Variants in ABLIM1 observed in about 807,000 individuals in gnomAD.
The protein encoded by ABLIM1 is actin binding LIM protein 1.
In ABLIM1, 40 loss-of-function variants were observed where a neutral mutation model predicts 107.0. That is an observed-to-expected ratio of 0.37 (90% CI 0.29 to 0.49). The LOEUF (loss-of-function observed/expected upper bound fraction) is 0.49, where lower values mean the gene tolerates loss of function less well. Ranked by LOEUF, ABLIM1 falls within the 20% of genes least tolerant of loss-of-function variation. The pLI, the probability that ABLIM1 is intolerant of heterozygous loss-of-function variation, is 0.97. For missense variants in ABLIM1, 857 were observed against 1,008.5 expected (o/e 0.85, Z 2.04); for synonymous variants, 357 against 357.3 (o/e 1.00, Z 0.01).
rs145116021 is a variant in ABLIM1 at position 114,445,441 on chromosome 10, C to A, written c.1736-38G>T. 4 of 1,556,954 alleles carry A rather than the reference C, an allele frequency of 2.6e-6. No homozygotes were observed. The South Asian group carries it at 4.5e-5, about 17-fold the overall frequency. On this transcript the variant is annotated intron_variant, in intron 15 of 22. Coordinates refer to ENST00000533213, the MANE Select transcript of ABLIM1 (RefSeq NM_002313.7). ...CAAAGACAACTTCTCACATCAGCCC[C>A]AAGACAAGGGAATCTTAACGGGCTA... is the stretch of plus-strand genomic sequence containing the variant.
intron 4 of ABLIM1, among the ~76,000 whole-genome samples, chr10:114,559,257 T>C (rs2483548): frequency 0.37 from 56,448 of 151,240 alleles, 13,832 homozygotes; most frequent in African/African-American, 0.7. Context: ...CAAGCACCAC[T>C]CAATCATGGT....
At chr10:114,700,561 G>A (rs1176073659) in intron 1 of ABLIM1, among the ~76,000 whole-genome samples, 1 of 151,552 alleles carries the variant, frequency 6.6e-6, no homozygotes, top group Admixed American at 6.6e-5. Context: ...GCATAATTAA[G>A]ATGATGTAGT....
At chr10:114,468,817 T>C (rs1305015120) in intron 10 of ABLIM1, among the ~76,000 whole-genome samples, 4 of 151,558 alleles carry the variant, frequency 2.6e-5, no homozygotes, top group African/African-American at 7.3e-5. Context: ...TTTGGGAGGC[T>C]GAGGCTGGCG....
intron 1 of ABLIM1, among the ~76,000 whole-genome samples, chr10:114,637,270 C>T (rs1012004564): frequency 6.6e-6 from 1 of 152,114 alleles, no homozygotes; most frequent in Non-Finnish European, 1.5e-5. Context: ...CAGCTATATA[C>T]CATGCCATCA....
At chr10:114,750,110 T>C (rs911835198) in intron 1 of ABLIM1, among the ~76,000 whole-genome samples, 7 of 152,228 alleles carry the variant, frequency 4.6e-5, no homozygotes, top group African/African-American at 1.7e-4. Context: ...CTGCTACAGC[T>C]ACTGCTCCTA....
chr10:114,589,555 A>G (rs11196794), intron 2 of ABLIM1, among the ~76,000 whole-genome samples: 63,847 of 149,342 alleles, frequency 0.43, 14,765 homozygotes, highest in Non-Finnish European at 0.52. Flanking sequence ...AGAGAGAGAG[A>G]GGGGCTTGGT....
chr10:114,539,358 A>AAACAAC (rs56218475), intron 6 of ABLIM1, among the ~76,000 whole-genome samples: 14 of 151,976 alleles, frequency 9.2e-5, no homozygotes, highest in Non-Finnish European at 1.8e-4. Context: ...ACTCTGTCTC[A>AAACAAC]AACAACAACA....
At chr10:114,679,042 A>T (rs183337187) in intron 1 of ABLIM1, among the ~76,000 whole-genome samples, 9 of 152,212 alleles carry the variant, frequency 5.9e-5, no homozygotes, top group Non-Finnish European at 1.2e-4. Context: ...GATGTGACTC[A>T]TCTGGCTTAT....
At position 114,700,114 on chromosome 10, in the gene ABLIM1, G is replaced by T. The variant is rs76231429; in HGVS notation, c.-213+67947C>A. Among the ~76,000 whole-genome samples the T allele has an allele frequency of 3.3e-5, 5 of 152,118 alleles. No homozygotes were observed. The East Asian group carries it at 9.7e-4, about 29-fold the overall frequency. On this transcript the variant is annotated intron_variant, in intron 1 of 15. Transcript: ENST00000651092. ...ACATCCAACCTGTGACTCTACTCTTGATTCTACCAAAGAAGTCTAACAAGC... is the reference window on the plus strand; with the variant it reads ...ACATCCAACCTGTGACTCTACTCTTTATTCTACCAAAGAAGTCTAACAAGC...
intron 8 of ABLIM1, among the ~76,000 whole-genome samples, chr10:114,476,716 A>G (rs1285724760): frequency 6.6e-6 from 1 of 151,356 alleles, no homozygotes; most frequent in African/African-American, 2.4e-5. Flanking sequence ...TAATCAAAAT[A>G]TAGAAGTGGC....
chr10:114,740,672 G>GTA (rs556060797), intron 1 of ABLIM1, among the ~76,000 whole-genome samples: 3 of 152,146 alleles, frequency 2.0e-5, no homozygotes, highest in South Asian at 2.1e-4. Flanking sequence ...AATTTCAATA[G>GTA]TATATATATA....
chr10:114,717,844 T>C (rs1373481354), intron 1 of ABLIM1, among the ~76,000 whole-genome samples: 5 of 148,862 alleles, frequency 3.4e-5, no homozygotes, highest in Non-Finnish European at 7.4e-5. Flanking sequence ...GCCTGGGAGG[T>C]TGAGGCTGCC....
At position 114,629,976 on chromosome 10, in the gene ABLIM1, A is replaced by T. The variant is rs1050777711; in HGVS notation, c.244+27981T>A. 6.6e-6 allele frequency among the ~76,000 whole-genome samples: 1 copy of T among 152,082 alleles called. No homozygotes were observed. Among genetic ancestry groups the T allele is most frequent in the African/African-American group, 2.4e-5 (1 of 41,406 alleles). On this transcript the variant is annotated intron_variant, in intron 1 of 22. Transcript: ENST00000533213. The surrounding 1 kb of genome is among the most constrained non-coding windows in gnomAD (Gnocchi z 4.0). ...AAATAAAACAGAACAGCCTTTAATC[A>T]GTGTCTAAGGGTTAAGATAATACTA...
chr10:114,555,450 C>T (rs1330773289), intron 4 of ABLIM1, among the ~76,000 whole-genome samples: 1 of 152,164 alleles, frequency 6.6e-6, no homozygotes, highest in Non-Finnish European at 1.5e-5. Context: ...GGCTTTGATG[C>T]TTACAGGACT....
the ABLIM1 span, among the ~76,000 whole-genome samples, chr10:114,777,715 C>T: frequency 6.6e-6 from 1 of 152,128 alleles, no homozygotes; most frequent in Admixed American, 6.6e-5. Context: ...TCAAGCCAGC[C>T]CCACGCAAGC....
intron 1 of ABLIM1, among the ~76,000 whole-genome samples, chr10:114,716,441 A>ACC (rs1249789997): frequency 1.3e-5 from 2 of 151,018 alleles, no homozygotes; most frequent in Non-Finnish European, 3.0e-5. Context: ...ACACACACAC[A>ACC]CACCCCTCCC....
At chr10:114,578,578 G>C (rs1185971291) in intron 2 of ABLIM1, among the ~76,000 whole-genome samples, 1 of 150,968 alleles carries the variant, frequency 6.6e-6, no homozygotes, top group Non-Finnish European at 1.5e-5. Context: ...GGCTAATTTT[G>C]TATTTTTAGT....
At position 114,519,765 on chromosome 10, in the gene ABLIM1, A is replaced by G. The variant is rs75400923; in HGVS notation, c.894+25240T>C. Among the ~76,000 whole-genome samples the G allele has an allele frequency of 5.8e-3, 877 of 152,234 alleles. 10 individuals are homozygous for G. The highest frequency in any genetic ancestry group is 0.02 in the African/African-American group (843 of 41,538). On this transcript the variant is annotated intron_variant, in intron 6 of 22. Transcript: ENST00000533213. ...AGATCCCTCATACATGCCATGGTTG[A>G]GCACTTCTCACTGGTCCTACCCCCA...
Position 114,465,787 on chromosome 10 carries a change from G to C in ABLIM1, c.1352C>G (p.Thr451Arg). ...AGGGGAGTTGATGGAGCCCTGGCTCGTGGACCGATGGATCATCCGATCCCG... is the reference window on the plus strand; with the variant it reads ...AGGGGAGTTGATGGAGCCCTGGCTCCTGGACCGATGGATCATCCGATCCCG... Reference protein sequence around the residue: ...DVRDRMIHRSTSQGSINSPVY... With the variant: ...DVRDRMIHRSRSQGSINSPVY... The change falls in exon 12 of 23, where the codon ACG (threonine) becomes AGG (arginine). Residue 451 changes from threonine (T) to arginine (R), a missense_variant. Thr to Arg is a moderately conservative substitution (Grantham distance 71). Transcript: ENST00000533213. The C allele has an allele frequency of 6.2e-7, 1 of 1,614,124 alleles. No homozygotes were observed. The highest frequency in any genetic ancestry group is 8.5e-7 in the Non-Finnish European group (1 of 1,180,018).
Sources: allele counts gnomAD v4.1 joint callset (sites outside exome capture counted in the v4.1 genomes callset), GRCh38; gene constraint gnomAD v4.1.1; non-coding constraint Gnocchi (gnomAD v3.1); transcripts MANE v1.5; gene names NCBI Gene and HGNC (gene_info 2026-07-23, HGNC 2026-07-21).